Variants in DOCK4 observed in about 807,000 individuals in gnomAD.
The protein encoded by DOCK4 is dedicator of cytokinesis protein 4.
Under a neutral mutation model 268.1 loss-of-function variants are expected in DOCK4, and 97 were observed. That is an observed-to-expected ratio of 0.36 (90% CI 0.31 to 0.43). The LOEUF (loss-of-function observed/expected upper bound fraction) is 0.43, where lower values mean the gene tolerates loss of function less well. DOCK4 is among the 20% of genes least tolerant of loss of function. The pLI, the probability that DOCK4 is intolerant of heterozygous loss-of-function variation, is 1.00. For synonymous variants in DOCK4, 954 were observed against 887.2 expected (o/e 1.08, Z -1.34); for missense variants, 2,145 against 2,455.7 (o/e 0.87, Z 2.67).
intron 1 of DOCK4, among the ~76,000 whole-genome samples, chr7:112,007,594 A>G (rs1800962137): frequency 6.6e-6 from 1 of 152,198 alleles, no homozygotes; most frequent in African/African-American, 2.4e-5. Flanking sequence ...GATGGATACT[A>G]TACTCAGGAA....
intron 26 of DOCK4, among the ~76,000 whole-genome samples, chr7:111,831,464 C>T (rs768747894): frequency 2.6e-5 from 4 of 151,106 alleles, no homozygotes; most frequent in Admixed American, 6.6e-5. Context: ...CAGTGAATCC[C>T]CTTTCTTTCT....
chr7:112,100,600 C>T (rs1006208856), intron 1 of DOCK4, among the ~76,000 whole-genome samples: 3 of 152,198 alleles, frequency 2.0e-5, no homozygotes, highest in Non-Finnish European at 4.4e-5. Context: ...AAGATGGCGA[C>T]GTACTTTGAG....
chr7:111,744,602 A>G (rs1796144800), intron 44 of DOCK4, among the ~76,000 whole-genome samples: 1 of 152,206 alleles, frequency 6.6e-6, no homozygotes, highest in South Asian at 2.1e-4. Flanking sequence ...CTGGGGAAAT[A>G]ATTCAGTCAG....
At chr7:111,810,645 C>CAA (rs1339725036) in intron 28 of DOCK4, among the ~76,000 whole-genome samples, 1 of 151,954 alleles carries the variant, frequency 6.6e-6, no homozygotes, top group African/African-American at 2.4e-5. Flanking sequence ...AAGAAGCAAT[C>CAA]AAATGTAATT....
intron 44 of DOCK4, among the ~76,000 whole-genome samples, chr7:111,742,975 G>GAGCT (rs1265534878): frequency 6.6e-6 from 1 of 151,180 alleles, no homozygotes; most frequent in East Asian, 1.9e-4. Context: ...CTAGGTGACA[G>GAGCT]AGCTAGACTC....
chr7:111,952,783 C>T (rs1179294616), intron 8 of DOCK4, among the ~76,000 whole-genome samples: 1 of 152,082 alleles, frequency 6.6e-6, no homozygotes, highest in African/African-American at 2.4e-5. Flanking sequence ...ACAATAACAA[C>T]AGAGAACACA....
chr7:111,904,260 T>C (rs1295266322), intron 13 of DOCK4, among the ~76,000 whole-genome samples: 1 of 152,250 alleles, frequency 6.6e-6, no homozygotes, highest in Non-Finnish European at 1.5e-5. Flanking sequence ...TGCTAGATAC[T>C]ATTATTCCAA....
chr7:112,128,969 T>C (rs377345077), intron 1 of DOCK4, among the ~76,000 whole-genome samples: 6 of 152,164 alleles, frequency 3.9e-5, no homozygotes, highest in African/African-American at 7.2e-5. Context: ...GTAGAATAGA[T>C]AGTCACTGCG....
intron 1 of DOCK4, among the ~76,000 whole-genome samples, chr7:112,030,793 C>T (rs1418922909): frequency 6.6e-6 from 1 of 152,158 alleles, no homozygotes; most frequent in East Asian, 1.9e-4. Context: ...GGTGCTGCAG[C>T]AATAGGCTAA....
chr7:112,163,449 C>T (rs1334911855), intron 1 of DOCK4, among the ~76,000 whole-genome samples: 1 of 152,186 alleles, frequency 6.6e-6, no homozygotes, highest in Non-Finnish European at 1.5e-5. Flanking sequence ...TCAGGTATAA[C>T]GTCCTAAAAG....
Position 111,989,141 on chromosome 7 carries a change from T to C in DOCK4, c.338A>G (p.His113Arg). Residue 113 changes from histidine (H) to arginine (R), a missense_variant, in exon 6 of 53, where the codon CAC (histidine) becomes CGC (arginine). Physicochemically the swap from His to Arg is conservative, Grantham distance 29. Around this residue, in one of 2 missense-constraint regions of DOCK4, gnomAD observed 1,598 missense variants for 1,986.7 expected, o/e 0.80. Transcript: ENST00000428084. The part of the protein sequence containing the change: ...LYVRNEGDLF[H>R]RLWHIMNEIL... ...TTCATTCATGATGTGCCACAGCCGG[T>C]GGAAGAGATCGCCTTCATTACGCTA... is the stretch of plus-strand genomic sequence containing the variant. 1 of 1,613,994 alleles carries C rather than the reference T, an allele frequency of 6.2e-7. No homozygotes were observed. The highest frequency in any genetic ancestry group is 1.1e-5 in the South Asian group (1 of 91,076).
intron 1 of DOCK4, among the ~76,000 whole-genome samples, chr7:112,204,270 A>G (rs1407384448): frequency 6.6e-6 from 1 of 152,190 alleles, no homozygotes; most frequent in Non-Finnish European, 1.5e-5. Flanking sequence ...TGAAGAAATC[A>G]AGAAAATAAA....
At chr7:111,925,671 C>T (rs1196799744) in intron 12 of DOCK4, among the ~76,000 whole-genome samples, 1 of 152,228 alleles carries the variant, frequency 6.6e-6, no homozygotes, top group Non-Finnish European at 1.5e-5. Context: ...CAAATTACAG[C>T]TGTCCTTTAA....
intron 1 of DOCK4, among the ~76,000 whole-genome samples, chr7:112,144,858 A>C (rs975232247): frequency 5.3e-5 from 8 of 152,166 alleles, no homozygotes; most frequent in Non-Finnish European, 1.2e-4. Context: ...AGGACTACTG[A>C]CGCAAAGCGA....
chr7:111,956,444 T>C (rs1796456354), intron 8 of DOCK4, among the ~76,000 whole-genome samples: 1 of 152,182 alleles, frequency 6.6e-6, no homozygotes, highest in Non-Finnish European at 1.5e-5. Flanking sequence ...AAATTATGTC[T>C]GTGAAAGGAA....
intron 15 of DOCK4, among the ~76,000 whole-genome samples, chr7:111,897,354 T>C (rs1387963032): frequency 6.6e-6 from 1 of 152,124 alleles, no homozygotes; most frequent in African/African-American, 2.4e-5. Context: ...TTCAACCTAC[T>C]AGATAGTCTT....
At chr7:111,841,192 TCTCA>T (rs1803666111) in intron 25 of DOCK4, among the ~76,000 whole-genome samples, 1 of 152,148 alleles carries the variant, frequency 6.6e-6, no homozygotes, top group African/African-American at 2.4e-5. Flanking sequence ...TGAGACAGGG[TCTCA>T]CTCTGTCACC....
intron 52 of DOCK4, 103 bp from the exon 53 acceptor site, chr7:111,728,823 C>A (rs1292356840): frequency 4.3e-6 from 5 of 1,156,756 alleles, no homozygotes; most frequent in South Asian, 1.6e-5. Flanking sequence ...CCCCCAGCAC[C>A]CCCAAAGCCG....
chr7:111,787,680 T>C (rs1377294141), intron 32 of DOCK4, among the ~76,000 whole-genome samples: 4 of 152,194 alleles, frequency 2.6e-5, no homozygotes, highest in South Asian at 2.1e-4. Flanking sequence ...AAATTCATGA[T>C]CATAAAGTTT....
Sources: gnomAD v4.1 joint callset for allele counts (sites outside exome capture counted in the v4.1 genomes callset) on GRCh38, gnomAD v4.1.1 for gene constraint, gnomAD v4.1.1 regional missense constraint, MANE v1.5 for transcripts, NCBI Gene and HGNC (gene_info 2026-07-23, HGNC 2026-07-21) for gene names.